MITF: variants seen among roughly 807,000 people sequenced by gnomAD.
MITF encodes microphthalmia-associated transcription factor.
Under a neutral mutation model 60.5 loss-of-function variants are expected in MITF, and 17 were observed. The ratio of observed to expected loss-of-function variants is 0.28; its 90% CI spans 0.19 to 0.42. The LOEUF is 0.42. MITF is among the 10% of genes least tolerant of loss of function. The probability of loss-of-function intolerance (pLI) is 1.00; values close to 1 mark genes in which losing one functional copy is unlikely to be tolerated. For missense variants in MITF, 622 were observed against 683.5 expected (o/e 0.91, Z 1.00); for synonymous variants, 260 against 248.5 (o/e 1.05, Z -0.43).
intron 1 of MITF, among the ~76,000 whole-genome samples, chr3:69,748,680 A>G (rs1703820998): frequency 6.6e-6 from 1 of 152,252 alleles, no homozygotes; most frequent in Non-Finnish European, 1.5e-5. Context: ...TCAGGAAGGC[A>G]TCTGTGGTCT....
At chr3:69,964,193 A>T (rs200613716) in intron 9 of MITF, among the ~76,000 whole-genome samples, 1 of 151,616 alleles carries the variant, frequency 6.6e-6, no homozygotes, top group Non-Finnish European at 1.5e-5. Flanking sequence ...GACCAGGCTG[A>T]TCTCAAACTC....
chr3:69,838,467 T>C (rs1476076346), intron 1 of MITF: 1 of 152,614 alleles, frequency 6.6e-6, no homozygotes, highest in African/African-American at 2.4e-5. Context: ...CCACTGTACA[T>C]TTGCAGAAGT....
chr3:69,967,129 T>C lies in MITF; in HGVS notation c.*1881T>C, dbSNP rs1392626992. The C allele has an allele frequency of 8.6e-6, 2 of 232,552 alleles. No homozygotes were observed. The highest frequency in any genetic ancestry group is 1.2e-4 in the East Asian group (2 of 16,484). The allele number at this position is 232,552 out of a possible 1,614,324, so 14.4% of individuals were successfully genotyped here. A position where few individuals can be genotyped will look rare whatever the true frequency, so the allele number is the denominator to read the frequency against. ...GGTTCAGAGAGGAGTGATCGTCAGA[T>C]GTGTGAATGGACGGTTTAGGTGAAA... On this transcript the variant is annotated 3_prime_UTR_variant, in exon 10 of 10. Coordinates refer to ENST00000352241, the MANE Select transcript of MITF (RefSeq NM_001354604.2).
chr3:69,922,646 C>G (rs557188011), intron 2 of MITF, among the ~76,000 whole-genome samples: 43 of 152,290 alleles, frequency 2.8e-4, no homozygotes, highest in South Asian at 6.2e-4. Flanking sequence ...TACGTAACAA[C>G]TGGTACTTCA....
rs532482623 is a variant in MITF at position 69,896,841 on chromosome 3, T to C, written c.354+17458T>C. ...GACAAGTAGGAAAGGGCTTAATCAG[T>C]ATCAGCTAGTACTGTTGAACCCTTC... On this transcript the variant is annotated intron_variant, in intron 2 of 9. Coordinates refer to ENST00000352241, the MANE Select transcript of MITF (RefSeq NM_001354604.2). 2.6e-5 allele frequency among the ~76,000 whole-genome samples: 4 copies of C among 152,308 alleles called. No homozygotes were observed. In the East Asian group the frequency reaches 7.7e-4, roughly 29 times the overall value.
intron 1 of MITF, among the ~76,000 whole-genome samples, chr3:69,809,492 C>T (rs144167844): frequency 1.2e-3 from 190 of 152,246 alleles, no homozygotes; most frequent in African/African-American, 4.3e-3. Flanking sequence ...AGACTTTGGG[C>T]CCAACTGGTA....
At chr3:69,957,952 G>C (rs779434752) in intron 8 of MITF, among the ~76,000 whole-genome samples, 1 of 152,100 alleles carries the variant, frequency 6.6e-6, no homozygotes, top group South Asian at 2.1e-4. Flanking sequence ...GTCTCAGCCC[G>C]GTACCTTTTC....
At chr3:69,796,494 C>CTTTTTTTTTTTTTTTTTTTTTT (rs767834091) in intron 1 of MITF, among the ~76,000 whole-genome samples, 3 of 80,312 alleles carry the variant, frequency 3.7e-5, no homozygotes, top group African/African-American at 8.8e-5. Flanking sequence ...CACCGTCTTT[C>CTTTTTTTTTTTTTTTTTTTTTT]TTTTTTTTTT....
chr3:69,834,280 C>A (rs748841043), intron 1 of MITF, among the ~76,000 whole-genome samples: 1 of 152,188 alleles, frequency 6.6e-6, no homozygotes, highest in Non-Finnish European at 1.5e-5. Flanking sequence ...CTAATTGTAA[C>A]TTTGTATCTG....
chr3:69,825,845 A>G (rs995392026), intron 1 of MITF, among the ~76,000 whole-genome samples: 3 of 152,114 alleles, frequency 2.0e-5, no homozygotes, highest in Non-Finnish European at 4.4e-5. Context: ...AGCAAAACAG[A>G]TCTGATTCCT....
At chr3:69,913,694 G>A (rs2065271690) in intron 2 of MITF, among the ~76,000 whole-genome samples, 1 of 152,168 alleles carries the variant, frequency 6.6e-6, no homozygotes, top group Admixed American at 6.5e-5. Context: ...GGAGAGCCAG[G>A]TAGTTCCCTG....
chr3:69,807,790 T>A (rs1010862624), intron 1 of MITF, among the ~76,000 whole-genome samples: 2 of 152,166 alleles, frequency 1.3e-5, no homozygotes, highest in African/African-American at 4.8e-5. Context: ...ATGGACACAA[T>A]GGCAGCTTCT....
At chr3:69,768,024 A>T (rs771899248) in intron 1 of MITF, among the ~76,000 whole-genome samples, 1 of 152,218 alleles carries the variant, frequency 6.6e-6, no homozygotes, top group Non-Finnish European at 1.5e-5. Flanking sequence ...TTTCTTTATC[A>T]TGTAGGTGGA....
chr3:69,910,608 T>C (rs1452048424), intron 2 of MITF, among the ~76,000 whole-genome samples: 1 of 152,226 alleles, frequency 6.6e-6, no homozygotes, highest in Non-Finnish European at 1.5e-5. Flanking sequence ...ACCCACCTTT[T>C]GCATCAGCAT....
At chr3:69,753,836 T>G (rs1193238620) in intron 1 of MITF, among the ~76,000 whole-genome samples, 1 of 152,188 alleles carries the variant, frequency 6.6e-6, no homozygotes, top group African/African-American at 2.4e-5. Context: ...TGGAAGTAAC[T>G]AACTTGTTTT....
intron 8 of MITF, 66 bp downstream of exon 8, chr3:69,956,596 G>A (rs2107530362): frequency 1.5e-6 from 2 of 1,353,796 alleles, no homozygotes; most frequent in Non-Finnish European, 1.1e-6. Context: ...TTCATACGTT[G>A]TAAAAAATGC....
At chr3:69,908,559 G>GT (rs983885254) in intron 2 of MITF, among the ~76,000 whole-genome samples, 14 of 151,486 alleles carry the variant, frequency 9.2e-5, no homozygotes, top group Admixed American at 7.2e-4. Context: ...ATAATAGTAA[G>GT]TTTTTTTTTG....
chr3:69,794,589 T>A (rs1331163034), intron 1 of MITF, among the ~76,000 whole-genome samples: 1 of 152,198 alleles, frequency 6.6e-6, no homozygotes. Flanking sequence ...ATCAGGGTAA[T>A]GGCAACACGT....
intron 2 of MITF, among the ~76,000 whole-genome samples, chr3:69,919,667 C>CTA (rs1390221149): frequency 6.6e-6 from 1 of 152,036 alleles, no homozygotes; most frequent in Non-Finnish European, 1.5e-5. Context: ...TGGCACACTT[C>CTA]TATAATACTT....
Sources: gnomAD v4.1 joint callset for allele counts (sites outside exome capture counted in the v4.1 genomes callset) on GRCh38, gnomAD v4.1.1 for gene constraint, MANE v1.5 for transcripts, NCBI Gene and HGNC (gene_info 2026-07-23, HGNC 2026-07-21) for gene names.